Variants in BMP5 observed in about 807,000 individuals in gnomAD.
BMP5 encodes the protein bone morphogenetic protein 5.
Under a neutral mutation model 46.6 loss-of-function variants are expected in BMP5, and 23 were observed. The ratio of observed to expected loss-of-function variants is 0.49; its 90% CI spans 0.35 to 0.70. The LOEUF (loss-of-function observed/expected upper bound fraction) is 0.70. Ranked by LOEUF, BMP5 falls within the 30% of genes least tolerant of loss-of-function variation. BMP5 has a pLI of 0.00. For missense variants in BMP5, 545 were observed against 565.6 expected (o/e 0.96, Z 0.37); for synonymous variants, 204 against 191.9 (o/e 1.06, Z -0.52).
chr6:55,818,706 G>T (rs1458545532), intron 2 of BMP5, among the ~76,000 whole-genome samples: 1 of 152,042 alleles, frequency 6.6e-6, no homozygotes, highest in Non-Finnish European at 1.5e-5. Context: ...TGCCAAACTG[G>T]AAGACCAAGA....
chr6:55,841,131 G>A (rs1386311732), intron 1 of BMP5, among the ~76,000 whole-genome samples: 1 of 152,128 alleles, frequency 6.6e-6, no homozygotes, highest in African/African-American at 2.4e-5. Flanking sequence ...GGTCTGAGAT[G>A]GAACAACAGG....
At chr6:55,783,327 C>T (rs1204073879) in intron 3 of BMP5, among the ~76,000 whole-genome samples, 1 of 152,004 alleles carries the variant, frequency 6.6e-6, no homozygotes, top group Non-Finnish European at 1.5e-5. Flanking sequence ...TTGATTGCCA[C>T]TTCCAATATA....
In BMP5 at chr6:55,847,216, G is replaced by A. The variant is rs77977459; in HGVS notation, c.490+27160C>T. Among the ~76,000 whole-genome samples the A allele has an allele frequency of 6.3e-3, 965 of 151,992 alleles. 15 individuals carry two copies. The highest frequency in any genetic ancestry group is 0.022 in the African/African-American group (921 of 41,538). ...TCATTGCATTCCATAATACATTAAA[G>A]CCCCTGTGGTCATCTTTGCCAGACC... is the stretch of plus-strand genomic sequence containing the variant. On this transcript the variant is annotated intron_variant, in intron 1 of 6. Coordinates refer to ENST00000370830, the MANE Select transcript of BMP5 (RefSeq NM_021073.4).
chr6:55,842,154 C>A (rs925881226), intron 1 of BMP5, among the ~76,000 whole-genome samples: 9 of 152,140 alleles, frequency 5.9e-5, no homozygotes, highest in African/African-American at 1.9e-4. Context: ...TTCTGGAAGA[C>A]AACTAAATGT....
intron 2 of BMP5, among the ~76,000 whole-genome samples, chr6:55,816,808 C>T (rs975767313): frequency 1.3e-5 from 2 of 151,694 alleles, no homozygotes; most frequent in African/African-American, 4.8e-5. Flanking sequence ...GGCATGTGCA[C>T]GTACGTGTGT....
chr6:55,796,777 T>C (rs1775723776), intron 2 of BMP5, among the ~76,000 whole-genome samples: 1 of 151,880 alleles, frequency 6.6e-6, no homozygotes, highest in Non-Finnish European at 1.5e-5. Context: ...TGCGATAGTT[T>C]ACTGAGAATG....
At position 55,774,053 on chromosome 6, in the gene BMP5, A is replaced by G; in HGVS notation, c.1023T>C (p.Val341=). 6.2e-7 allele frequency: 1 copy of G among 1,612,414 alleles called. No individual in the cohort carries two copies. Among genetic ancestry groups the G allele is most frequent in the Non-Finnish European group, 8.5e-7 (1 of 1,179,170 alleles). ...GCTGCTCGGGTTTATTCTTACCTCC[A>G]ACACTGGACATTCTGGAGGAGTCCT... ...SHQDSSRMSS[V]GDYNTSEQKQ... Residue 341 remains valine (V), a synonymous_variant, in exon 4 of 7, where the codon GTT becomes GTC. Coordinates refer to ENST00000370830, the MANE Select transcript of BMP5 (RefSeq NM_021073.4).
intron 2 of BMP5, among the ~76,000 whole-genome samples, chr6:55,816,695 T>A (rs1002201943): frequency 2.0e-5 from 3 of 152,080 alleles, no homozygotes; most frequent in African/African-American, 7.2e-5. Context: ...TTAAAGTGAG[T>A]TCTGCTGAAC....
intron 1 of BMP5, among the ~76,000 whole-genome samples, chr6:55,821,083 G>T (rs1405324713): frequency 1.3e-5 from 2 of 152,074 alleles, no homozygotes; most frequent in Non-Finnish European, 2.9e-5. Context: ...TGAAACTTAG[G>T]ATCCTAAGCT....
chr6:55,835,148 C>A (rs1776760339), intron 1 of BMP5, among the ~76,000 whole-genome samples: 1 of 151,556 alleles, frequency 6.6e-6, no homozygotes. Flanking sequence ...AATAGCAATT[C>A]TTATTTGGTC....
At chr6:55,870,154 T>C (rs986945656) in intron 1 of BMP5, among the ~76,000 whole-genome samples, 4 of 150,720 alleles carry the variant, frequency 2.7e-5, no homozygotes, top group Non-Finnish European at 5.9e-5. Context: ...CTAATACGTC[T>C]CATTAAACTT....
chr6:55,797,908 G>C (rs1319003193), intron 2 of BMP5, among the ~76,000 whole-genome samples: 1 of 152,092 alleles, frequency 6.6e-6, no homozygotes, highest in Non-Finnish European at 1.5e-5. Context: ...GAGCCACTGC[G>C]TGTGATTGTT....
At chr6:55,835,311 G>A (rs1345344020) in intron 1 of BMP5, among the ~76,000 whole-genome samples, 1 of 152,034 alleles carries the variant, frequency 6.6e-6, no homozygotes, top group East Asian at 1.9e-4. Context: ...TGGATCAAAA[G>A]CATATAAAAA....
chr6:55,780,656 C>T (rs938778295), intron 3 of BMP5, among the ~76,000 whole-genome samples: 1 of 151,688 alleles, frequency 6.6e-6, no homozygotes, highest in Non-Finnish European at 1.5e-5. Flanking sequence ...CTGTCGTGCC[C>T]CACAGTTTGA....
intron 2 of BMP5, among the ~76,000 whole-genome samples, chr6:55,815,512 G>C (rs1216394533): frequency 6.6e-6 from 1 of 152,080 alleles, no homozygotes; most frequent in Non-Finnish European, 1.5e-5. Flanking sequence ...AAGGAATTAG[G>C]AAAAATATCA....
At chr6:55,853,307 T>G (rs1248021834) in intron 1 of BMP5, among the ~76,000 whole-genome samples, 1 of 151,590 alleles carries the variant, frequency 6.6e-6, no homozygotes, top group African/African-American at 2.4e-5. Context: ...TTCCTAGCTC[T>G]CTCTCTGTCT....
At chr6:55,808,874 T>C (rs573784676) in intron 2 of BMP5, among the ~76,000 whole-genome samples, 1 of 152,130 alleles carries the variant, frequency 6.6e-6, no homozygotes, top group South Asian at 2.1e-4. Context: ...TTCTTCTCAA[T>C]GGGAGCCTCC....
intron 3 of BMP5, among the ~76,000 whole-genome samples, chr6:55,783,725 T>C (rs1248500621): frequency 6.6e-6 from 1 of 151,956 alleles, no homozygotes. Flanking sequence ...GATCATCAGT[T>C]TAGCTAGAGT....
intron 1 of BMP5, among the ~76,000 whole-genome samples, 158 bp from the exon 2 acceptor site, chr6:55,820,005 A>C (rs376398294): frequency 6.6e-6 from 1 of 152,348 alleles, no homozygotes; most frequent in South Asian, 2.1e-4. Context: ...TTTCCAGTTA[A>C]AGGAAATTCC....
Sources: allele counts gnomAD v4.1 joint callset (sites outside exome capture counted in the v4.1 genomes callset), GRCh38; gene constraint gnomAD v4.1.1; transcripts MANE v1.5; gene names NCBI Gene and HGNC (gene_info 2026-07-23, HGNC 2026-07-21).